The following VTI1A variants were observed in gnomAD, a reference collection of about 807,000 sequenced individuals.
VTI1A encodes the protein vesicle transport through interaction with t-SNAREs homolog 1A.
Under a neutral mutation model 34.9 loss-of-function variants are expected in VTI1A, and 22 were observed. That is an observed-to-expected ratio of 0.63 (90% confidence interval 0.45 to 0.90). VTI1A has a LOEUF of 0.90. VTI1A is among the 40% of genes least tolerant of loss of function. The probability of loss-of-function intolerance (pLI) is 0.00; values close to 1 mark genes in which losing one functional copy is unlikely to be tolerated. For missense variants in VTI1A, 268 were observed against 275.6 expected (o/e 0.97, Z 0.20); for synonymous variants, 87 against 97.3 (o/e 0.89, Z 0.62).
intron 7 of VTI1A, among the ~76,000 whole-genome samples, chr10:112,799,329 G>A (rs1852791157): frequency 1.3e-5 from 2 of 152,212 alleles, no homozygotes; most frequent in Admixed American, 1.3e-4. Flanking sequence ...CTACCCCACA[G>A]ATGTGCTTTC....
chr10:112,737,078 CTTT>C, intron 7 of VTI1A: 4 of 307,530 alleles, frequency 1.3e-5, no homozygotes, highest in South Asian at 5.9e-5. Context: ...TTTTCTTTTT[CTTT>C]TTTTTTTTGA....
chr10:112,550,022 C>T (rs896225266), intron 5 of VTI1A, among the ~76,000 whole-genome samples: 4 of 152,124 alleles, frequency 2.6e-5, no homozygotes, highest in African/African-American at 9.7e-5. Context: ...GTTTGGAGAA[C>T]CTTCTCCTTA....
intron 4 of VTI1A, among the ~76,000 whole-genome samples, chr10:112,529,097 C>T (rs1850341040): frequency 6.6e-6 from 1 of 152,082 alleles, no homozygotes; most frequent in African/African-American, 2.4e-5. Context: ...TCTGAAAGTG[C>T]TTGGAGAACC....
rs562836811 is a variant in VTI1A, at chr10:112,603,430, C to G, written c.428-64788C>G. On this transcript the variant is annotated intron_variant, in intron 5 of 7. Transcript: ENST00000393077. ...CAATAACATTCATTGCCTTTTTTTT[C>G]CTGAGTAGAAAAGTCATTATTTAAT... is the stretch of plus-strand genomic sequence containing the variant. 2.0e-4 allele frequency among the ~76,000 whole-genome samples: 30 copies of G among 151,930 alleles called. No individual in the cohort carries two copies. In the East Asian group the frequency reaches 5.2e-3, roughly 26 times the overall value.
chr10:112,597,898 C>T (rs960382561), intron 5 of VTI1A, among the ~76,000 whole-genome samples: 15 of 150,968 alleles, frequency 9.9e-5, no homozygotes, highest in African/African-American at 2.9e-4. Flanking sequence ...GGGGTTTCAC[C>T]GCGTTAGCCA....
chr10:112,771,634 C>A (rs1851817995), intron 7 of VTI1A, among the ~76,000 whole-genome samples: 1 of 152,114 alleles, frequency 6.6e-6, no homozygotes, highest in Non-Finnish European at 1.5e-5. Context: ...TATGTGCAAC[C>A]ATCACCATAG....
chr10:112,596,073 A>G (rs201204119), intron 5 of VTI1A, among the ~76,000 whole-genome samples: 8 of 150,922 alleles, frequency 5.3e-5, no homozygotes, highest in Non-Finnish European at 8.9e-5. Context: ...CAAAAAACCA[A>G]ACACTGCATT....
At chr10:112,628,686 T>TGAGATG (rs1846012908) in intron 5 of VTI1A, among the ~76,000 whole-genome samples, 3 of 152,236 alleles carry the variant, frequency 2.0e-5, no homozygotes, top group Admixed American at 2.0e-4. Context: ...ATCCATTTAA[T>TGAGATG]CTTCAGTGTT....
chr10:112,763,929 G>A (rs565426492), intron 7 of VTI1A, among the ~76,000 whole-genome samples: 1 of 152,276 alleles, frequency 6.6e-6, no homozygotes, highest in South Asian at 2.1e-4. Context: ...CGGTTTATCT[G>A]TCTGATTCAC....
intron 5 of VTI1A, among the ~76,000 whole-genome samples, chr10:112,623,422 A>G (rs2134580277): frequency 6.9e-6 from 1 of 143,970 alleles, no homozygotes; most frequent in Non-Finnish European, 1.5e-5. Flanking sequence ...TCTTCTAAAC[A>G]GTATTAAAAT....
chr10:112,560,027 CT>C (rs1851670144), intron 5 of VTI1A, among the ~76,000 whole-genome samples: 1 of 152,174 alleles, frequency 6.6e-6, no homozygotes, highest in African/African-American at 2.4e-5. Context: ...TAGTTTGTCA[CT>C]TGTAGTTCTA....
rs1324216086 is a variant in VTI1A, at chr10:112,537,461, GGAAA to G, written c.343-779_343-776del. On this transcript the variant is annotated intron_variant, in intron 4 of 7. Transcript: ENST00000393077. ...AATCAACAACAACCATCTCAATGGAGGAAAGAAAGTTTAGAAGCTGAGGATTTGA... is the reference window on the plus strand; with the variant it reads ...AATCAACAACAACCATCTCAATGGAGGAAAGTTTAGAAGCTGAGGATTTGA... Among the ~76,000 whole-genome samples, 3 of 151,154 alleles carry G rather than the reference GGAAA, an allele frequency of 2.0e-5. No homozygotes were observed. The East Asian group carries it at 5.8e-4, about 29-fold the overall frequency.
intron 7 of VTI1A, among the ~76,000 whole-genome samples, chr10:112,693,538 A>T (rs577799468): frequency 7.2e-5 from 11 of 152,166 alleles, no homozygotes; most frequent in Admixed American, 3.3e-4. Flanking sequence ...CAATATTGAA[A>T]CTCTGTCTAA....
intron 5 of VTI1A, among the ~76,000 whole-genome samples, chr10:112,594,101 C>T (rs1171037429): frequency 2.0e-5 from 3 of 151,974 alleles, no homozygotes; most frequent in Admixed American, 6.6e-5. Context: ...TTAGTAGAGT[C>T]GGGGTTTCAC....
chr10:112,687,015 A>G (rs797012691), intron 7 of VTI1A, among the ~76,000 whole-genome samples: 7 of 152,150 alleles, frequency 4.6e-5, no homozygotes, highest in African/African-American at 1.7e-4. Context: ...CTCTGTGGGC[A>G]CCGCTGTAAC....
intron 5 of VTI1A, among the ~76,000 whole-genome samples, chr10:112,597,044 A>G (rs1844673331): frequency 6.6e-6 from 1 of 152,144 alleles, no homozygotes; most frequent in Non-Finnish European, 1.5e-5. Flanking sequence ...TTTTCTTCTA[A>G]TGCCAGATGG....
At chr10:112,650,342 G>C in intron 5 of VTI1A, among the ~76,000 whole-genome samples, 1 of 152,048 alleles carries the variant, frequency 6.6e-6, no homozygotes, top group South Asian at 2.1e-4. Flanking sequence ...CGCACAACTT[G>C]TCCCACTGGA....
intron 7 of VTI1A, among the ~76,000 whole-genome samples, chr10:112,675,243 C>T (rs1187829827): frequency 6.6e-6 from 1 of 152,164 alleles, no homozygotes; most frequent in Non-Finnish European, 1.5e-5. Flanking sequence ...CTTTCACTTT[C>T]TATGATAACT....
chr10:112,559,550 C>G (rs1231723231), intron 5 of VTI1A, among the ~76,000 whole-genome samples: 1 of 152,116 alleles, frequency 6.6e-6, no homozygotes, highest in Non-Finnish European at 1.5e-5. Flanking sequence ...TCAAATGCAA[C>G]AACAGAAAGG....
Sources: allele counts gnomAD v4.1 joint callset (sites outside exome capture counted in the v4.1 genomes callset), GRCh38; gene constraint gnomAD v4.1.1; transcripts MANE v1.5; gene names NCBI Gene and HGNC (gene_info 2026-07-23, HGNC 2026-07-21).